The following FARS2 variants were observed in gnomAD, a reference collection of about 807,000 sequenced individuals.
The protein encoded by FARS2 is phenylalanyl-tRNA synthetase 2, mitochondrial.
FARS2 carries 40 observed loss-of-function variants against 46.4 expected under a neutral mutation model. The observed-to-expected ratio is 0.86, with a 90% CI of 0.67 to 1.12. FARS2 has a LOEUF of 1.12. Ranked by LOEUF, FARS2 falls within the 50% of genes most tolerant of loss-of-function variation. The pLI is 0.00. For missense variants in FARS2, 513 were observed against 567.9 expected (o/e 0.90, Z 0.98); for synonymous variants, 234 against 214.9 (o/e 1.09, Z -0.78).
chr6:5,254,567 G>C, the FARS2 span, among the ~76,000 whole-genome samples: 19 of 152,296 alleles, frequency 1.2e-4, no homozygotes, highest in African/African-American at 4.3e-4. Flanking sequence ...ACTAGGAATA[G>C]AGATAAGACA....
chr6:5,700,096 T>G (rs1364612466), intron 6 of FARS2, among the ~76,000 whole-genome samples: 1 of 152,216 alleles, frequency 6.6e-6, no homozygotes, highest in African/African-American at 2.4e-5. Flanking sequence ...TGCTGCCTTC[T>G]CATGACTGGA....
intron 5 of FARS2, among the ~76,000 whole-genome samples, chr6:5,587,531 C>T (rs548001759): frequency 6.6e-6 from 1 of 152,254 alleles, no homozygotes; most frequent in East Asian, 1.9e-4. Context: ...GCCATCTTTC[C>T]ACCACAGCAT....
chr6:5,606,648 T>G (rs1186013847), intron 5 of FARS2, among the ~76,000 whole-genome samples: 2 of 152,120 alleles, frequency 1.3e-5, no homozygotes, highest in Non-Finnish European at 2.9e-5. Flanking sequence ...GGCAAGAGAC[T>G]CCTGCCTCAA....
At chr6:5,273,568 T>C (rs1356045774) in intron 1 of FARS2, among the ~76,000 whole-genome samples, 1 of 152,196 alleles carries the variant, frequency 6.6e-6, no homozygotes, top group Non-Finnish European at 1.5e-5. Flanking sequence ...TATTAATCCC[T>C]TGCCAGGTGG....
At chr6:5,726,063 AG>A (rs1480045312) in intron 6 of FARS2, among the ~76,000 whole-genome samples, 4 of 152,228 alleles carry the variant, frequency 2.6e-5, no homozygotes, top group African/African-American at 4.8e-5. Context: ...GGCACAGTAG[AG>A]GCCTGACTTT....
At chr6:5,685,770 G>A (rs1046387028) in intron 6 of FARS2, among the ~76,000 whole-genome samples, 17 of 152,148 alleles carry the variant, frequency 1.1e-4, no homozygotes, top group African/African-American at 2.9e-4. Flanking sequence ...AGCTGAGGCC[G>A]CACTCAAGGG....
rs563972334 is a variant in FARS2, at chr6:5,466,953, G to A, written c.904+35781G>A. 1.1e-5 allele frequency: 11 copies of A among 985,426 alleles called. No individual in the cohort carries two copies. In the East Asian group the frequency reaches 1.0e-3, roughly 91 times the overall value. 61.0% of individuals were successfully genotyped at this position (985,426 alleles called of 1,614,324 possible). A position where few individuals can be genotyped will look rare whatever the true frequency, so the allele number is the denominator to read the frequency against. On this transcript the variant is annotated intron_variant, in intron 4 of 6. Coordinates refer to ENST00000274680, the MANE Select transcript of FARS2 (RefSeq NM_006567.5). ...TTCTCTCTTTACTAGCACAGCCTGT[G>A]CAGGAATGATAAGAGGCACATATTC...
intron 4 of FARS2, among the ~76,000 whole-genome samples, chr6:5,437,941 G>C (rs535196131): frequency 4.0e-5 from 6 of 151,838 alleles, no homozygotes; most frequent in African/African-American, 1.5e-4. Flanking sequence ...TATAGACCAC[G>C]TCAAGTGGTG....
chr6:5,687,625 G>T (rs970500990), intron 6 of FARS2, among the ~76,000 whole-genome samples: 2 of 152,204 alleles, frequency 1.3e-5, no homozygotes, highest in Non-Finnish European at 2.9e-5. Flanking sequence ...TTTGAAGTCA[G>T]GTAGGGTGAT....
chr6:5,555,723 T>C (rs1054062569), intron 5 of FARS2, among the ~76,000 whole-genome samples: 1 of 152,122 alleles, frequency 6.6e-6, no homozygotes, highest in African/African-American at 2.4e-5. Context: ...TTTTTCTCAT[T>C]TTACTTCCCC....
intron 4 of FARS2, among the ~76,000 whole-genome samples, chr6:5,480,767 T>G (rs987257686): frequency 1.8e-4 from 28 of 152,208 alleles, no homozygotes; most frequent in African/African-American, 9.6e-5. Context: ...ATAGGTGGCT[T>G]CTTTTCTGAC....
chr6:5,484,203 G>A (rs926347765), intron 4 of FARS2, among the ~76,000 whole-genome samples: 7 of 152,214 alleles, frequency 4.6e-5, no homozygotes, highest in African/African-American at 1.7e-4. Context: ...CATACAGAAG[G>A]CAGTGTTCCA....
chr6:5,578,683 C>T (rs1328830466), intron 5 of FARS2, among the ~76,000 whole-genome samples: 1 of 151,708 alleles, frequency 6.6e-6, no homozygotes, highest in African/African-American at 2.4e-5. Context: ...GTGGTGGGCG[C>T]CTATAGTCCC....
intron 4 of FARS2, among the ~76,000 whole-genome samples, chr6:5,443,415 C>G (rs1320234181): frequency 3.9e-5 from 6 of 152,228 alleles, no homozygotes; most frequent in Non-Finnish European, 8.8e-5. Context: ...GCACTGTCTG[C>G]TATGAGAAGA....
At chr6:5,390,848 A>G (rs1402081091) in intron 2 of FARS2, among the ~76,000 whole-genome samples, 2 of 152,176 alleles carry the variant, frequency 1.3e-5, no homozygotes, top group Admixed American at 1.3e-4. Context: ...CTTCTTATGA[A>G]TAATGTGGAA....
At chr6:5,568,792 T>C (rs2150554354) in intron 5 of FARS2, among the ~76,000 whole-genome samples, 1 of 152,240 alleles carries the variant, frequency 6.6e-6, no homozygotes, top group South Asian at 2.1e-4. Context: ...CCAGTGCGGA[T>C]AAGATGAGGA....
intron 4 of FARS2, among the ~76,000 whole-genome samples, chr6:5,497,050 C>T (rs1767514205): frequency 6.6e-6 from 1 of 152,124 alleles, no homozygotes; most frequent in Admixed American, 6.6e-5. Context: ...AATCCTGTTA[C>T]TGTGAACAGC....
rs1456901127 is a variant in FARS2 at position 5,739,312 on chromosome 6, A to G, written c.1218-31979A>G. Among the ~76,000 whole-genome samples the G allele has an allele frequency of 8.2e-5, 12 of 145,848 alleles. No homozygotes were observed. In the East Asian group the frequency reaches 1.8e-3, roughly 22 times the overall value. On this transcript the variant is annotated intron_variant, in intron 6 of 6. Transcript: ENST00000274680. ...GGAGTTCAAGACTAGCTTGGGCAAC[A>G]TAGTGAGACCCCCGTCTCTAAAAAA...
intron 6 of FARS2, among the ~76,000 whole-genome samples, chr6:5,651,664 A>T (rs777689367): frequency 1.6e-4 from 24 of 152,130 alleles, no homozygotes; most frequent in Non-Finnish European, 3.5e-4. Flanking sequence ...CCTAATAACA[A>T]CCATTGCCTC....
Sources: gnomAD v4.1 joint callset for allele counts (sites outside exome capture counted in the v4.1 genomes callset) on GRCh38, gnomAD v4.1.1 for gene constraint, MANE v1.5 for transcripts, NCBI Gene and HGNC (gene_info 2026-07-23, HGNC 2026-07-21) for gene names.